Variants in PLCB1 observed in about 807,000 individuals in gnomAD.
PLCB1 encodes the protein 1-phosphatidylinositol 4,5-bisphosphate phosphodiesterase beta-1.
In PLCB1, 46 loss-of-function variants were observed where a neutral mutation model predicts 161.8. That is an observed-to-expected ratio of 0.28 (90% confidence interval 0.22 to 0.36). PLCB1 has a LOEUF of 0.36. PLCB1 is among the 10% of genes least tolerant of loss of function. PLCB1 has a pLI of 1.00. For synonymous variants in PLCB1, 517 were observed against 503.7 expected (o/e 1.03, Z -0.35); for missense variants, 1,016 against 1,472.5 (o/e 0.69, Z 5.07).
chr20:8,486,217 G>A (rs1419998088), intron 3 of PLCB1, among the ~76,000 whole-genome samples: 1 of 152,046 alleles, frequency 6.6e-6, no homozygotes, highest in Non-Finnish European at 1.5e-5. Context: ...ATTTGGGTGG[G>A]GACATAGCCA....
intron 2 of PLCB1, among the ~76,000 whole-genome samples, chr20:8,276,625 A>G (rs1264054531): frequency 1.3e-5 from 2 of 152,098 alleles, no homozygotes; most frequent in Non-Finnish European, 2.9e-5. Context: ...TACAAATTCT[A>G]TTGGTTGTCC....
chr20:8,703,606 T>A (rs570093469), intron 11 of PLCB1, among the ~76,000 whole-genome samples: 2 of 152,180 alleles, frequency 1.3e-5, no homozygotes, highest in East Asian at 3.9e-4. Context: ...GCTTGGATGC[T>A]CCACTGCAAA....
rs73895515 is a variant in PLCB1, at chr20:8,136,013, C to T, written c.99+3263C>T. ...GGAGAGAAAGAGCAAGGACTGTAAA[C>T]TGTACAATAGGACCCCCAGCCACTG... On this transcript the variant is annotated intron_variant, in intron 1 of 31. Transcript: ENST00000338037. Among the ~76,000 whole-genome samples, 869 of 152,274 alleles carry T rather than the reference C, an allele frequency of 5.7e-3. 5 individuals are homozygous for T. The highest frequency in any genetic ancestry group is 0.018 in the African/African-American group (757 of 41,554).
intron 10 of PLCB1, among the ~76,000 whole-genome samples, chr20:8,689,984 G>C (rs1389804571): frequency 3.4e-5 from 1 of 29,602 alleles, no homozygotes; most frequent in Non-Finnish European, 1.3e-4. Context: ...CAATGGTTTT[G>C]TATCAACACC....
intron 3 of PLCB1, among the ~76,000 whole-genome samples, chr20:8,573,337 T>C (rs1400089653): frequency 6.6e-6 from 1 of 152,146 alleles, no homozygotes; most frequent in Non-Finnish European, 1.5e-5. Context: ...GAGACAGCAA[T>C]GTTGACAACT....
chr20:8,484,449 C>A (rs1982637287), intron 3 of PLCB1, among the ~76,000 whole-genome samples: 1 of 151,906 alleles, frequency 6.6e-6, no homozygotes, highest in Non-Finnish European at 1.5e-5. Context: ...GCAACCTCCA[C>A]CTCCTGGGTT....
chr20:8,214,893 C>G (rs1979035422), intron 2 of PLCB1, among the ~76,000 whole-genome samples: 1 of 151,030 alleles, frequency 6.6e-6, no homozygotes, highest in Non-Finnish European at 1.5e-5. Flanking sequence ...TTTGCACTTT[C>G]TTGCTTGAGG....
intron 7 of PLCB1, among the ~76,000 whole-genome samples, chr20:8,656,668 T>C (rs1307384535): frequency 1.3e-5 from 2 of 151,892 alleles, no homozygotes; most frequent in African/African-American, 2.4e-5. Flanking sequence ...TATCAGATTA[T>C]TTAAACCAGA....
intron 3 of PLCB1, among the ~76,000 whole-genome samples, chr20:8,539,964 T>G (rs1202289731): frequency 6.6e-6 from 1 of 152,120 alleles, no homozygotes; most frequent in African/African-American, 2.4e-5. Flanking sequence ...GTTGTCAGTC[T>G]TATTCCCCAT....
At chr20:8,148,308 A>C (rs2051475221) in intron 1 of PLCB1, among the ~76,000 whole-genome samples, 1 of 151,098 alleles carries the variant, frequency 6.6e-6, no homozygotes, top group Non-Finnish European at 1.5e-5. Context: ...AGAAGCCTAA[A>C]CTATTTTAAA....
chr20:8,761,520 G>A (rs529429671), intron 25 of PLCB1, among the ~76,000 whole-genome samples: 1 of 152,242 alleles, frequency 6.6e-6, no homozygotes, highest in South Asian at 2.1e-4. Context: ...AACATGGTTT[G>A]GTTTTGTTTT....
At chr20:8,445,101 T>G (rs1458890174) in intron 3 of PLCB1, among the ~76,000 whole-genome samples, 1 of 152,214 alleles carries the variant, frequency 6.6e-6, no homozygotes, top group Non-Finnish European at 1.5e-5. Context: ...TTTTGGTGTT[T>G]TAGACATGAA....
At chr20:8,854,666 G>T (rs962581578) in intron 31 of PLCB1, among the ~76,000 whole-genome samples, 1 of 152,102 alleles carries the variant, frequency 6.6e-6, no homozygotes, top group Admixed American at 6.5e-5. Flanking sequence ...CTTCTGCCTC[G>T]GCATGACCAA....
intron 3 of PLCB1, among the ~76,000 whole-genome samples, chr20:8,602,657 G>A (rs189106943): frequency 2.0e-5 from 3 of 152,284 alleles, no homozygotes; most frequent in East Asian, 1.9e-4. Context: ...TTGCTTAATT[G>A]TTCTCTTCTT....
intron 3 of PLCB1, among the ~76,000 whole-genome samples, chr20:8,488,197 CAAGT>C (rs1261290354): frequency 6.6e-6 from 1 of 152,108 alleles, no homozygotes; most frequent in African/African-American, 2.4e-5. Flanking sequence ...TTAAATGATT[CAAGT>C]GAGTCTAGGA....
chr20:8,237,396 G>GA (rs771533117), intron 2 of PLCB1, among the ~76,000 whole-genome samples: 28 of 152,030 alleles, frequency 1.8e-4, no homozygotes, highest in Admixed American at 3.3e-4. Context: ...TTTTTAAAAA[G>GA]AAAAAATGCC....
intron 7 of PLCB1, chr20:8,652,882 G>A (rs1484267024): frequency 6.6e-6 from 1 of 152,048 alleles, no homozygotes; most frequent in Admixed American, 6.6e-5. Flanking sequence ...TTAAAAGGTA[G>A]TACTGTATCC....
intron 30 of PLCB1, 25 bp downstream of exon 30, chr20:8,789,600 C>G (rs776474772): frequency 9.6e-6 from 15 of 1,556,198 alleles, no homozygotes; most frequent in African/African-American, 1.4e-5. Context: ...CACGCTCTCT[C>G]CTTTGCAAAA....
chr20:8,853,189 AAT>A (rs1164455975), intron 31 of PLCB1, among the ~76,000 whole-genome samples: 3 of 152,238 alleles, frequency 2.0e-5, no homozygotes, highest in Non-Finnish European at 4.4e-5. Flanking sequence ...TGCTCATGAC[AAT>A]TAGTTATATA....
Sources: allele counts gnomAD v4.1 joint callset (sites outside exome capture counted in the v4.1 genomes callset), GRCh38; gene constraint gnomAD v4.1.1; transcripts MANE v1.5; gene names NCBI Gene and HGNC (gene_info 2026-07-23, HGNC 2026-07-21).